Variants in URB1 observed in about 807,000 individuals in gnomAD.
URB1 encodes the protein nucleolar pre-ribosomal-associated protein 1.
Under a neutral mutation model 242.3 loss-of-function variants are expected in URB1, and 197 were observed. That is an observed-to-expected ratio of 0.81 (90% CI 0.72 to 0.91). The LOEUF is 0.91. URB1 is among the 40% of genes least tolerant of loss of function. The pLI is 0.00. For missense variants in URB1, 2,721 were observed against 2,860.5 expected, an observed-to-expected ratio of 0.95 and a Z score of 1.11; for synonymous variants, 1,153 against 1,201.8, an observed-to-expected ratio of 0.96 and a Z score of 0.84.
At chr21:32,391,661 A>G (rs2033640014) in intron 1 of URB1, among the ~76,000 whole-genome samples, 1 of 152,148 alleles carries the variant, frequency 6.6e-6, no homozygotes, top group Admixed American at 6.5e-5. Flanking sequence ...AAATAACTCT[A>G]TGCTAACTAA....
chr21:32,364,491 C>T (rs150542556), intron 10 of URB1, among the ~76,000 whole-genome samples: 3 of 152,322 alleles, frequency 2.0e-5, no homozygotes, highest in Non-Finnish European at 4.4e-5. Flanking sequence ...AACCACGACA[C>T]CCCAGAGCCC....
intron 25 of URB1, among the ~76,000 whole-genome samples, chr21:32,339,298 T>G (rs562279190): frequency 6.6e-6 from 1 of 151,470 alleles, no homozygotes; most frequent in East Asian, 2.0e-4. Context: ...CCGGCCATTT[T>G]CTCAGTATTT....
In URB1 at chr21:32,314,417, T is replaced by C; in HGVS notation, c.*501A>G. ...GAAGGCTGGTTTCGAACTCCTGACC[T>C]CAGGTGATTCACCCGCCTTGGCCTC... On this transcript the variant is annotated 3_prime_UTR_variant, in exon 39 of 39. Transcript: ENST00000382751. 1.3e-6 allele frequency: 1 copy of C among 743,140 alleles called. No homozygotes were observed. The highest frequency in any genetic ancestry group is 2.4e-6 in the Non-Finnish European group (1 of 417,468). The allele number at this position is 743,140 out of a possible 1,614,324, so 46.0% of individuals were successfully genotyped here.
chr21:32,383,742 T>C (rs1400785860), intron 3 of URB1, among the ~76,000 whole-genome samples, 188 bp from the exon 4 acceptor site: 1 of 151,732 alleles, frequency 6.6e-6, no homozygotes, highest in Non-Finnish European at 1.5e-5. Flanking sequence ...AAAATAACGC[T>C]AAAAATTAAA....
chr21:32,324,390 CAGAT>C (rs2123548703), intron 32 of URB1, 97 bp downstream of exon 32: 1 of 961,024 alleles, frequency 1.0e-6, no homozygotes, highest in African/African-American at 1.6e-5. Flanking sequence ...GCCTTGAACA[CAGAT>C]GTGTGACCCA....
intron 8 of URB1, among the ~76,000 whole-genome samples, chr21:32,371,893 T>C (rs1316076863): frequency 6.6e-6 from 1 of 152,006 alleles, no homozygotes. Flanking sequence ...TCAAAACCAG[T>C]AGATTTGAAC....
At position 32,350,842 on chromosome 21, in the gene URB1, G is replaced by A. The variant is rs747157500; in HGVS notation, c.2694C>T (p.Tyr898=). ...SSFTALLQAA[Y]ESQALRDEHI... is the part of the protein sequence containing the mutation. ...GCTCGTCCCGAAGCGCTTGGCTCTC[G>A]TAGGCTGCCTGCAGCAGGGCTGTGA... The change falls in exon 20 of 39, where the codon TAC becomes TAT. Residue 898 remains tyrosine (Y), a synonymous_variant. Transcript: ENST00000382751. 2.1e-5 allele frequency: 33 copies of A among 1,551,056 alleles called. No homozygotes were observed. The Middle Eastern group carries it at 5.3e-4, about 25-fold the overall frequency.
chr21:32,355,525 T>A lies in URB1; in HGVS notation c.2030A>T (p.Glu677Val). 1 of 1,551,790 alleles carries A rather than the reference T, an allele frequency of 6.4e-7. No homozygotes were observed. The highest frequency in any genetic ancestry group is 8.7e-7 in the Non-Finnish European group (1 of 1,147,006). The change falls in exon 16 of 39, where the codon GAG (glutamate) becomes GTG (valine). Residue 677 changes from glutamate to valine, a missense_variant. By Grantham distance (121) the Glu-to-Val change is moderately radical. Transcript: ENST00000382751. ...TAAATGCTCCAGCCAGAGCTCCAGC[T>A]CCTTCCAGGTGTGCTCAAACACCCC... is the stretch of plus-strand genomic sequence containing the variant. ...DTGVFEHTWK[E>V]LELWLEHLEN...
intron 8 of URB1, among the ~76,000 whole-genome samples, 181 bp from the exon 9 acceptor site, chr21:32,368,779 A>G (rs1200496833): frequency 6.6e-6 from 1 of 152,154 alleles, no homozygotes; most frequent in Non-Finnish European, 1.5e-5. Flanking sequence ...CTCTCCACAG[A>G]GGGCTTCCCT....
At chr21:32,356,669 T>C (rs1163316399) in intron 15 of URB1, among the ~76,000 whole-genome samples, 1 of 152,196 alleles carries the variant, frequency 6.6e-6, no homozygotes, top group African/African-American at 2.4e-5. Context: ...GAAACTGGTA[T>C]GAGGCAGGAC....
chr21:32,342,518 G>A (rs1371062175), intron 24 of URB1, among the ~76,000 whole-genome samples: 3 of 152,014 alleles, frequency 2.0e-5, no homozygotes, highest in Non-Finnish European at 4.4e-5. Context: ...GCCAAGGCTG[G>A]AGTGCAATGG....
In URB1 at chr21:32,349,427, G is replaced by A. The variant is rs2033130694; in HGVS notation, c.2889C>T (p.Arg963=). ...LLQLFLDLLR[R]LVVHCEQLDA... ...CCAGCTGCTCACAGTGGACAACCAGGCGCCTGAGGAGATCCAGGAAGAGCT... is the reference window on the plus strand; with the variant it reads ...CCAGCTGCTCACAGTGGACAACCAGACGCCTGAGGAGATCCAGGAAGAGCT... The change falls in exon 21 of 39, where the codon CGC becomes CGT. Residue 963 remains arginine, a synonymous_variant. Coordinates refer to ENST00000382751, the MANE Select transcript of URB1 (RefSeq NM_014825.3). 1.3e-6 allele frequency: 2 copies of A among 1,551,316 alleles called. No individual in the cohort carries two copies. The highest frequency in any genetic ancestry group is 1.4e-5 in the African/African-American group (1 of 73,050).
rs1486119408 is a variant in URB1 at position 32,352,774 on chromosome 21, T to C, written c.2549A>G (p.Gln850Arg). 6.4e-7 allele frequency: 1 copy of C among 1,551,692 alleles called. No homozygotes were observed. The highest frequency in any genetic ancestry group is 1.2e-5 in the South Asian group (1 of 84,060). The change falls in exon 19 of 39, where the codon CAG becomes CGG. Residue 850 changes from glutamine (Q) to arginine (R), a missense_variant. By Grantham distance (43) the Gln-to-Arg change is conservative. Coordinates refer to ENST00000382751, the MANE Select transcript of URB1 (RefSeq NM_014825.3). ...GTATCTGTTAAACCGTGAGAGCTGC[T>C]GGCAGCAAGGCACCAGGCATGGAGG... ...LEPPCLVPCC[Q>R]QLSRFNRYYS...
chr21:32,366,164 A>ATGTT (rs1315626130), intron 10 of URB1, among the ~76,000 whole-genome samples: 1 of 151,772 alleles, frequency 6.6e-6, no homozygotes, highest in African/African-American at 2.4e-5. Context: ...TTCAAAGTAT[A>ATGTT]TGTTTGCCAG....
rs1036950581 is a variant in URB1 at position 32,385,528 on chromosome 21, T to A, written c.282+17A>T. 1.3e-6 allele frequency: 2 copies of A among 1,551,274 alleles called. No homozygotes were observed. Among genetic ancestry groups the A allele is most frequent in the Admixed American group, 3.9e-5 (2 of 50,912 alleles). Reference sequence around the variant, plus strand: ...AACTTTTCTTCTCTTCATCAAGCCATGTAAGGAACAACTTACTTCACTTTC... The same window carrying A: ...AACTTTTCTTCTCTTCATCAAGCCAAGTAAGGAACAACTTACTTCACTTTC... On this transcript the variant is annotated intron_variant, in intron 2 of 38. Coordinates refer to ENST00000382751, the MANE Select transcript of URB1 (RefSeq NM_014825.3).
chr21:32,368,909 C>T (rs972057823), intron 8 of URB1, among the ~76,000 whole-genome samples: 2 of 152,194 alleles, frequency 1.3e-5, no homozygotes, highest in Non-Finnish European at 2.9e-5. Context: ...CATTCTCTCT[C>T]GCTCTACCTC....
rs1017071868 is a variant in URB1 at position 32,313,094 on chromosome 21, G to C, written c.*1824C>G. 6.6e-6 allele frequency: 1 copy of C among 152,240 alleles called. No homozygotes were observed. Among genetic ancestry groups the C allele is most frequent in the African/African-American group, 2.4e-5 (1 of 41,440 alleles). The allele number at this position is 152,240 out of a possible 1,614,324, so 9.4% of individuals were successfully genotyped here. On this transcript the variant is annotated 3_prime_UTR_variant, in exon 39 of 39. Transcript: ENST00000382751. The stretch of plus-strand genomic sequence containing the variant: ...TCCTCACTTGACTGAGCTGGAACTC[G>C]GCTTTGGAGCATTTGTCGCCACCTG...
rs140200463 is a variant in URB1 at position 32,345,451 on chromosome 21, C to T, written c.3993G>A (p.Pro1331=). 3.4e-4 allele frequency: 527 copies of T among 1,551,576 alleles called. 1 individual carries two copies. In the African/African-American group the frequency reaches 5.7e-3, roughly 17 times the overall value. The change falls in exon 23 of 39, where the codon CCG becomes CCA. Residue 1331 remains proline (P), a synonymous_variant. Coordinates refer to ENST00000382751, the MANE Select transcript of URB1 (RefSeq NM_014825.3). ...LYQEILAQLV[P]FARAKDLSVL... ...CACTGAGATCCTTGGCTCGTGCAAA[C>T]GGGACCAGCTGTGCCAGGATCTCCT...
rs2033131252 is a variant in URB1, at chr21:32,349,465, G to A, written c.2851C>T (p.Pro951Ser). ...NFGQLGRSVG[P>S]PLLQLFLDLL... ...TCCAGGAAGAGCTGCAGGAGGGGCG[G>A]GCCCACACTTCTGCCCAGCTGTGAG... Residue 951 changes from proline to serine, a missense_variant, in exon 21 of 39, where the codon CCG becomes TCG. By Grantham distance (74) the Pro-to-Ser change is moderately conservative. Coordinates refer to ENST00000382751, the MANE Select transcript of URB1 (RefSeq NM_014825.3). The A allele has an allele frequency of 6.5e-7, 1 of 1,549,912 alleles. No homozygotes were observed. Among genetic ancestry groups the A allele is most frequent in the Non-Finnish European group, 8.7e-7 (1 of 1,146,482 alleles).
Sources: allele counts gnomAD v4.1 joint callset (sites outside exome capture counted in the v4.1 genomes callset), GRCh38; gene constraint gnomAD v4.1.1; transcripts MANE v1.5; gene names NCBI Gene and HGNC (gene_info 2026-07-23, HGNC 2026-07-21).